IDE: variants seen among roughly 807,000 people sequenced by gnomAD.
The protein encoded by IDE is insulin degrading enzyme.
Under a neutral mutation model 133.2 loss-of-function variants are expected in IDE, and 58 were observed. The ratio of observed to expected loss-of-function variants is 0.44; its 90% CI spans 0.35 to 0.54. The LOEUF is 0.54. IDE is among the 20% of genes least tolerant of loss of function. The pLI is 0.00. For synonymous variants in IDE, 396 were observed against 421.3 expected (o/e 0.94, Z 0.73); for missense variants, 981 against 1,234.0 (o/e 0.79, Z 3.07).
chr10:92,540,835 G>T (rs1333736010), intron 1 of IDE, among the ~76,000 whole-genome samples: 1 of 151,940 alleles, frequency 6.6e-6, no homozygotes, highest in Admixed American at 6.6e-5. Context: ...TTTTTTCAGG[G>T]TTTCAACTTC....
At chr10:92,455,705 A>C in intron 23 of IDE, 62 bp from the exon 24 acceptor site, 1 of 935,758 alleles carries the variant, frequency 1.1e-6, no homozygotes, top group East Asian at 2.4e-5. Flanking sequence ...AAGAACAAAA[A>C]AAAAAAACTA....
At chr10:92,549,030 G>A (rs1842661323) in intron 1 of IDE, among the ~76,000 whole-genome samples, 1 of 152,068 alleles carries the variant, frequency 6.6e-6, no homozygotes, top group Admixed American at 6.6e-5. Context: ...GGCTGAGGCG[G>A]GCGGATCACA....
intron 19 of IDE, among the ~76,000 whole-genome samples, chr10:92,466,189 C>T (rs1303716759): frequency 7.2e-6 from 1 of 139,710 alleles, no homozygotes; most frequent in Non-Finnish European, 1.5e-5. Flanking sequence ...TGTGAGTATA[C>T]CACTGCACTC....
At chr10:92,515,717 C>T (rs1470364440) in intron 4 of IDE, among the ~76,000 whole-genome samples, 3 of 150,614 alleles carry the variant, frequency 2.0e-5, no homozygotes, top group Non-Finnish European at 4.4e-5. Flanking sequence ...TGCGCCACCA[C>T]GCCCGGCTAA....
intron 12 of IDE, among the ~76,000 whole-genome samples, chr10:92,489,612 T>C (rs1847226211): frequency 6.6e-6 from 1 of 152,186 alleles, no homozygotes; most frequent in African/African-American, 2.4e-5. Flanking sequence ...CTTTTAGGAC[T>C]ATTTCAGACC....
chr10:92,454,358 A>G lies in IDE; in HGVS notation c.*86T>C. On this transcript the variant is annotated 3_prime_UTR_variant, in exon 25 of 25. Transcript: ENST00000265986. ...TTGTTTCTCTAATAGTGAATCAGAAACTATTAAAGTGGCCAAGATGATTTT... is the reference window on the plus strand; with the variant it reads ...TTGTTTCTCTAATAGTGAATCAGAAGCTATTAAAGTGGCCAAGATGATTTT... The G allele has an allele frequency of 2.3e-6, 2 of 874,596 alleles. No homozygotes were observed. The highest frequency in any genetic ancestry group is 3.8e-6 in the Non-Finnish European group (2 of 523,818). The allele number at this position is 874,596 out of a possible 1,614,324, so 54.2% of individuals were successfully genotyped here. A position where few individuals can be genotyped will look rare whatever the true frequency, so the allele number is the denominator to read the frequency against.
chr10:92,459,002 T>A (rs1321306844), intron 22 of IDE, among the ~76,000 whole-genome samples: 1 of 152,194 alleles, frequency 6.6e-6, no homozygotes, highest in Non-Finnish European at 1.5e-5. Context: ...GAAAATCACT[T>A]GTCCAGCCAT....
At chr10:92,483,600 G>T (rs1846753935) in intron 13 of IDE, among the ~76,000 whole-genome samples, 1 of 152,192 alleles carries the variant, frequency 6.6e-6, no homozygotes, top group South Asian at 2.1e-4. Context: ...GGAAGAGACA[G>T]ATCAGAGAAG....
chr10:92,563,684 G>A (rs78384142), intron 1 of IDE, among the ~76,000 whole-genome samples: 3,169 of 151,908 alleles, frequency 0.021, 50 homozygotes, highest in Admixed American at 0.052. Context: ...TGGGGCAGGG[G>A]GCAGAGGTTG....
chr10:92,512,663 C>A (rs1402020952), intron 5 of IDE, among the ~76,000 whole-genome samples: 2 of 151,912 alleles, frequency 1.3e-5, no homozygotes, highest in African/African-American at 4.8e-5. Context: ...GAAGCAAGCA[C>A]ATAGCATTAC....
intron 17 of IDE, among the ~76,000 whole-genome samples, chr10:92,474,122 G>C (rs113507564): frequency 6.6e-6 from 1 of 152,146 alleles, no homozygotes; most frequent in Non-Finnish European, 1.5e-5. Context: ...GGAGCACAGT[G>C]GCGTAATCAT....
chr10:92,549,079 G>C (rs1358005646), intron 1 of IDE, among the ~76,000 whole-genome samples: 1 of 152,074 alleles, frequency 6.6e-6, no homozygotes, highest in Admixed American at 6.6e-5. Context: ...CCAACATATT[G>C]AAACACTGTC....
Position 92,463,831 on chromosome 10 carries a change from C to A in IDE, c.2661G>T (p.Gln887His). ...MTEEAFQKHI[Q>H]ALAIRRLDKP... ...TGTCTAGTCGACGAATTGCTAATGCCTGAATGTGTTTTTGGAAGGCCTCTT... is the reference window on the plus strand; with the variant it reads ...TGTCTAGTCGACGAATTGCTAATGCATGAATGTGTTTTTGGAAGGCCTCTT... Residue 887 changes from glutamine (Q) to histidine (H), a missense_variant, in exon 21 of 25, where the codon CAG becomes CAT. By Grantham distance (24) the Gln-to-His change is conservative. Coordinates refer to ENST00000265986, the MANE Select transcript of IDE (RefSeq NM_004969.4). 3.1e-6 allele frequency: 5 copies of A among 1,614,134 alleles called. No individual in the cohort carries two copies. Among genetic ancestry groups the A allele is most frequent in the African/African-American group, 1.3e-5 (1 of 75,044 alleles).
intron 1 of IDE, among the ~76,000 whole-genome samples, chr10:92,559,681 T>C (rs146632416): frequency 3.1e-4 from 47 of 151,910 alleles, no homozygotes; most frequent in African/African-American, 1.1e-3. Flanking sequence ...TGTTTTAAAA[T>C]GATTGTGGTG....
chr10:92,506,654 T>C (rs1312040616), intron 9 of IDE, 132 bp from the exon 10 acceptor site: 2 of 481,540 alleles, frequency 4.2e-6, no homozygotes, highest in Admixed American at 7.5e-5. Context: ...TCTGAAAAAA[T>C]GGCTATGCTT....
intron 20 of IDE, 29 bp from the exon 21 acceptor site, chr10:92,464,032 C>G (rs773082018): frequency 1.1e-5 from 17 of 1,587,646 alleles, no homozygotes; most frequent in Non-Finnish European, 1.5e-5. Flanking sequence ...CCAGTCATGA[C>G]CGTGGCATTT....
intron 4 of IDE, among the ~76,000 whole-genome samples, chr10:92,524,236 T>C (rs1290028282): frequency 7.2e-6 from 1 of 137,972 alleles, no homozygotes; most frequent in Non-Finnish European, 1.5e-5. Context: ...ACCCGGGAAG[T>C]GGAGGTTACG....
At chr10:92,455,459 T>C in intron 24 of IDE, 117 bp downstream of exon 24, 1 of 668,800 alleles carries the variant, frequency 1.5e-6, no homozygotes, top group South Asian at 1.8e-5. Context: ...CCAGCCTGGG[T>C]GACTGAGTGA....
intron 1 of IDE, among the ~76,000 whole-genome samples, chr10:92,550,388 T>A (rs1167590736): frequency 2.0e-5 from 3 of 152,024 alleles, no homozygotes; most frequent in Admixed American, 1.3e-4. Context: ...AATAAGCATA[T>A]AAAAAGATGC....
Sources: gnomAD v4.1 joint callset for allele counts (sites outside exome capture counted in the v4.1 genomes callset) on GRCh38, gnomAD v4.1.1 for gene constraint, MANE v1.5 for transcripts, NCBI Gene and HGNC (gene_info 2026-07-23, HGNC 2026-07-21) for gene names.